Variants in MIGA1 observed in about 807,000 individuals in gnomAD.
The protein encoded by MIGA1 is mitoguardin 1.
In MIGA1, 58 loss-of-function variants were observed where a neutral mutation model predicts 82.0. That is an observed-to-expected ratio of 0.71 (90% confidence interval 0.57 to 0.88). The LOEUF is 0.88. Among genes scored for constraint, MIGA1 ranks in the 40% least tolerant of loss-of-function variants. The probability of loss-of-function intolerance (pLI) is 0.00; values close to 1 mark genes in which losing one functional copy is unlikely to be tolerated. For synonymous variants in MIGA1, 249 were observed against 253.6 expected (o/e 0.98, Z 0.17); for missense variants, 751 against 749.1 (o/e 1.00, Z -0.03).
chr1:77,859,985 T>C (rs1685403528), intron 10 of MIGA1, 55 bp from the exon 11 acceptor site: 2 of 1,105,860 alleles, frequency 1.8e-6, no homozygotes, highest in East Asian at 2.4e-5. Context: ...AAGTTGAATG[T>C]CCATTCACAT....
At chr1:77,835,317 T>A (rs1684385565) in intron 7 of MIGA1, among the ~76,000 whole-genome samples, 1 of 152,214 alleles carries the variant, frequency 6.6e-6, no homozygotes, top group Non-Finnish European at 1.5e-5. Context: ...GAGTAAACAT[T>A]GTGGTGTTAA....
At chr1:77,790,722 G>C (rs146607879) in intron 2 of MIGA1, among the ~76,000 whole-genome samples, 5,603 of 151,838 alleles carry the variant, frequency 0.037, 127 homozygotes, top group Middle Eastern at 0.075. Flanking sequence ...GAGTAGCTGA[G>C]ATTACAGGTG....
At chr1:77,860,160 T>C in intron 11 of MIGA1, 34 bp downstream of exon 11, 1 of 1,507,680 alleles carries the variant, frequency 6.6e-7, no homozygotes, top group South Asian at 1.2e-5. Flanking sequence ...TTTTTACCAT[T>C]TACAAAAGTT....
intron 2 of MIGA1, among the ~76,000 whole-genome samples, chr1:77,785,923 ACT>A (rs1260069597): frequency 1.3e-5 from 2 of 151,676 alleles, no homozygotes; most frequent in Non-Finnish European, 2.9e-5. Context: ...CCCAGTAGGG[ACT>A]CTGTGTGGGG....
intron 7 of MIGA1, among the ~76,000 whole-genome samples, chr1:77,836,129 T>A (rs1192128755): frequency 6.6e-6 from 1 of 152,008 alleles, no homozygotes; most frequent in East Asian, 1.9e-4. Flanking sequence ...AACAAATATG[T>A]AAGTGTTTGT....
chr1:77,863,219 T>C (rs1685536770), intron 12 of MIGA1, among the ~76,000 whole-genome samples: 1 of 152,216 alleles, frequency 6.6e-6, no homozygotes, highest in Non-Finnish European at 1.5e-5. Flanking sequence ...CTTTTCTCTC[T>C]TTCTGTCACC....
intron 2 of MIGA1, among the ~76,000 whole-genome samples, chr1:77,785,421 G>A (rs910839818): frequency 3.3e-5 from 5 of 151,532 alleles, no homozygotes; most frequent in African/African-American, 4.9e-5. Context: ...TTGGCTCACC[G>A]CAACCTCTGC....
chr1:77,841,569 TAA>T (rs1298651132), intron 7 of MIGA1, among the ~76,000 whole-genome samples: 1 of 141,358 alleles, frequency 7.1e-6, no homozygotes, highest in South Asian at 2.2e-4. Flanking sequence ...ATGCTTTGAA[TAA>T]AAAAAAAAAC....
chr1:77,834,680 T>A (rs1228972433), intron 7 of MIGA1, among the ~76,000 whole-genome samples: 1 of 152,198 alleles, frequency 6.6e-6, no homozygotes, highest in Admixed American at 6.5e-5. Context: ...AAAGTAAAAA[T>A]TATCCACAGT....
intron 14 of MIGA1, among the ~76,000 whole-genome samples, chr1:77,870,926 A>G (rs1160777052): frequency 6.6e-6 from 1 of 150,416 alleles, no homozygotes; most frequent in Non-Finnish European, 1.5e-5. Flanking sequence ...CACCAAAAAA[A>G]AAAACGAAAA....
At chr1:77,818,057 G>C (rs1683640918) in intron 7 of MIGA1, among the ~76,000 whole-genome samples, 1 of 148,122 alleles carries the variant, frequency 6.8e-6, no homozygotes, top group Non-Finnish European at 1.5e-5. Flanking sequence ...CTGGACTCAA[G>C]CCATCCTCTC....
rs966057230 is a variant in MIGA1 at position 77,877,190 on chromosome 1, T to G, written c.*2126T>G. The stretch of plus-strand genomic sequence containing the variant: ...TTAGATTAAAGTGCCTAGTTTCTGA[T>G]TAATAAATAGAAGATGAAAAAAGTG... On this transcript the variant is annotated 3_prime_UTR_variant, in exon 16 of 16. Transcript: ENST00000370791. 4.6e-5 allele frequency: 7 copies of G among 152,202 alleles called. No individual in the cohort carries two copies. The highest frequency in any genetic ancestry group is 1.7e-4 in the African/African-American group (7 of 41,454). The allele number at this position is 152,202 out of a possible 1,614,324, so 9.4% of individuals were successfully genotyped here.
chr1:77,858,504 G>A (rs549598166), intron 8 of MIGA1, among the ~76,000 whole-genome samples: 3 of 152,238 alleles, frequency 2.0e-5, no homozygotes, highest in South Asian at 4.2e-4. Context: ...CCTCTTGAAT[G>A]GTTTTTATGG....
intron 8 of MIGA1, chr1:77,853,695 AAAAC>A (rs925599492): frequency 1.2e-4 from 31 of 266,898 alleles, no homozygotes; most frequent in Non-Finnish European, 1.6e-4. Context: ...CAAAAACCCA[AAAAC>A]AAACAAACAA....
At chr1:77,809,475 T>C (rs1353867238) in intron 5 of MIGA1, among the ~76,000 whole-genome samples, 2 of 152,064 alleles carry the variant, frequency 1.3e-5, no homozygotes, top group East Asian at 3.9e-4. Context: ...TGGCACATGC[T>C]TGTAGTCCCA....
chr1:77,840,689 G>A lies in MIGA1; in HGVS notation c.896-2618G>A, dbSNP rs553731406. Among the ~76,000 whole-genome samples, 10 of 152,276 alleles carry A rather than the reference G, an allele frequency of 6.6e-5. No homozygotes were observed. The East Asian group carries it at 1.2e-3, about 18-fold the overall frequency. Reference sequence around the variant, plus strand: ...TAGCCGGGCGTGGTGGCACATGCCTGTAATCTCAGCTACTTGGGAGGCTGA... The same window carrying A: ...TAGCCGGGCGTGGTGGCACATGCCTATAATCTCAGCTACTTGGGAGGCTGA... On this transcript the variant is annotated intron_variant, in intron 7 of 15. Coordinates refer to ENST00000370791, the MANE Select transcript of MIGA1 (RefSeq NM_198549.4).
chr1:77,810,342 T>G (rs948897822), intron 5 of MIGA1, among the ~76,000 whole-genome samples: 1 of 147,136 alleles, frequency 6.8e-6, no homozygotes, highest in Non-Finnish European at 1.5e-5. Flanking sequence ...ACTTCAGAGG[T>G]GCTGCCTATA....
At chr1:77,859,972 A>T in intron 10 of MIGA1, 68 bp from the exon 11 acceptor site, 1 of 968,994 alleles carries the variant, frequency 1.0e-6, no homozygotes, top group South Asian at 1.4e-5. Flanking sequence ...TATTTGTGCT[A>T]TTAAGTTGAA....
intron 8 of MIGA1, among the ~76,000 whole-genome samples, chr1:77,852,209 C>A (rs1427190265): frequency 1.3e-5 from 2 of 151,954 alleles, no homozygotes; most frequent in Middle Eastern, 3.2e-3. Context: ...TAGGATTTTT[C>A]TCTAATAGAG....
Sources: allele counts gnomAD v4.1 joint callset (sites outside exome capture counted in the v4.1 genomes callset), GRCh38; gene constraint gnomAD v4.1.1; transcripts MANE v1.5; gene names NCBI Gene and HGNC (gene_info 2026-07-23, HGNC 2026-07-21).